Variants in AKAP8 observed in about 807,000 individuals in gnomAD.
The protein encoded by AKAP8 is A-kinase anchoring protein 8.
A neutral mutation model predicts 67.5 loss-of-function variants in AKAP8; 24 were observed. The ratio of observed to expected loss-of-function variants is 0.36; its 90% confidence interval spans 0.26 to 0.50. AKAP8 has a LOEUF of 0.50. Ranked by LOEUF, AKAP8 falls within the 20% of genes least tolerant of loss-of-function variation. The pLI is 0.97. For missense variants in AKAP8, 971 were observed against 955.9 expected, an observed-to-expected ratio of 1.02 and a Z score of -0.21; for synonymous variants, 400 against 371.1, an observed-to-expected ratio of 1.08 and a Z score of -0.90.
At position 15,369,875 on chromosome 19, in the gene AKAP8, G is replaced by A. The variant is rs1967126044; in HGVS notation, c.1072+271C>T. On this transcript the variant is annotated intron_variant, in intron 8 of 13. Transcript: ENST00000269701. This position sits in a 1 kb window ranked among gnomAD's most constrained non-coding sequence, Gnocchi z 4.6. ...TTCTCCTTCCCTACAAACTTCGACT[G>A]TGGTGGACACCCAAGGCTGCCCCCC... Among the ~76,000 whole-genome samples, 1 of 152,240 alleles carries A rather than the reference G, an allele frequency of 6.6e-6. No homozygotes were observed. Among genetic ancestry groups the A allele is most frequent in the Non-Finnish European group, 1.5e-5 (1 of 68,040 alleles).
At position 15,369,705 on chromosome 19, in the gene AKAP8, T is replaced by C. The variant is rs929765438; in HGVS notation, c.1072+441A>G. Among the ~76,000 whole-genome samples the C allele has an allele frequency of 3.3e-5, 5 of 152,180 alleles. No individual in the cohort carries two copies. Among genetic ancestry groups the C allele is most frequent in the Non-Finnish European group, 5.9e-5 (4 of 68,018 alleles). The stretch of plus-strand genomic sequence containing the variant: ...AAGCAATGTGCAGTGCAGCTGCCAG[T>C]ATCCCCACCACAGAGGCCCACAGCA... On this transcript the variant is annotated intron_variant, in intron 8 of 13. Transcript: ENST00000269701. This position sits in a 1 kb window ranked among gnomAD's most constrained non-coding sequence, Gnocchi z 4.6.
At chr19:15,355,398 G>A (rs370557589) in intron 13 of AKAP8, 28 bp from the exon 14 acceptor site, 128 of 1,592,834 alleles carry the variant, frequency 8.0e-5, no homozygotes, top group Non-Finnish European at 8.6e-5. Context: ...ACCGGTCAGC[G>A]TGGTGTAAGC....
chr19:15,376,222 T>G (rs182441165), intron 2 of AKAP8, among the ~76,000 whole-genome samples: 1 of 152,106 alleles, frequency 6.6e-6, no homozygotes, highest in Non-Finnish European at 1.5e-5. Context: ...GCCCAGCTAA[T>G]GAAAGATCTT....
In AKAP8 at chr19:15,373,312, A is replaced by G. The variant is rs1967195359; in HGVS notation, c.400T>C (p.Tyr134His). ...SSFRFQPFES[Y>H]DSRPCLPEHN... ...TCCGGCAGGCAGGGCCTGGAGTCAT[A>G]GGACTCGAACGGCTGGAAGCGGAAG... Residue 134 changes from tyrosine to histidine, a missense_variant, in exon 5 of 14, where the codon TAT becomes CAT. Around this residue, in one of 3 missense-constraint regions of AKAP8, gnomAD observed 763 missense variants for 745.4 expected, o/e 1.02. Transcript: ENST00000269701. 1 of 1,612,392 alleles carries G rather than the reference A, an allele frequency of 6.2e-7. No homozygotes were observed. Among genetic ancestry groups the G allele is most frequent in the African/African-American group, 1.3e-5 (1 of 74,918 alleles).
intron 12 of AKAP8, among the ~76,000 whole-genome samples, chr19:15,360,566 T>C (rs1336237016): frequency 6.6e-6 from 1 of 152,190 alleles, no homozygotes; most frequent in African/African-American, 2.4e-5. Context: ...CCCTTCGGTC[T>C]CAGCTTATGG....
rs566754006 is a variant in AKAP8 at position 15,379,760 on chromosome 19, G to T, written c.-29C>A. ...TTCGACGCGGCCCACCAGCAGCCCC[G>T]TTTACTAGGCGACCACAGCACGCAT... On this transcript the variant is annotated 5_prime_UTR_variant, in exon 1 of 14. Transcript: ENST00000269701. 2.4e-5 allele frequency: 38 copies of T among 1,609,992 alleles called. No homozygotes were observed. Among genetic ancestry groups the T allele is most frequent in the Non-Finnish European group, 3.2e-5 (38 of 1,178,586 alleles).
At chr19:15,368,563 C>A in intron 8 of AKAP8, 2 of 985,254 alleles carry the variant, frequency 2.0e-6, no homozygotes. Flanking sequence ...CCAGGATGGG[C>A]TAGGGACACA....
intron 4 of AKAP8, 110 bp downstream of exon 4, chr19:15,373,676 C>A: frequency 7.4e-7 from 1 of 1,345,096 alleles, no homozygotes; most frequent in Non-Finnish European, 9.9e-7. Context: ...CAATGCCACA[C>A]CCAAGAGGGA....
At chr19:15,359,178 C>A in intron 12 of AKAP8, 116 bp from the exon 13 acceptor site, 2 of 885,662 alleles carry the variant, frequency 2.3e-6, no homozygotes, top group South Asian at 1.5e-5. Flanking sequence ...AAGCGAATCT[C>A]AAAACGCCAG....
At position 15,359,006 on chromosome 19, in the gene AKAP8, G is replaced by T. The variant is rs76501168; in HGVS notation, c.1584C>A (p.Asn528Lys). The T allele has an allele frequency of 6.2e-7, 1 of 1,614,174 alleles. No individual in the cohort carries two copies. The highest frequency in any genetic ancestry group is 8.5e-7 in the Non-Finnish European group (1 of 1,180,048). Residue 528 changes from asparagine to lysine, a missense_variant, in exon 13 of 14, where the codon AAC (asparagine) becomes AAA (lysine). Coordinates refer to ENST00000269701, the MANE Select transcript of AKAP8 (RefSeq NM_005858.4). The stretch of plus-strand genomic sequence containing the variant: ...CCAGCATCTTCACTATATGTCTGTT[G>T]TTCAAAACACTCTTAGCCACATGGA... ...TSLHVAKSVL[N>K]NRHIVKMLEK...
Position 15,362,266 on chromosome 19 carries a change from CAAG to C in AKAP8, c.1161-18_1161-16del, listed in dbSNP as rs777261173. On this transcript the variant is annotated splice_polypyrimidine_tract_variant and intron_variant, in intron 9 of 13. Coordinates refer to ENST00000269701, the MANE Select transcript of AKAP8 (RefSeq NM_005858.4). The stretch of plus-strand genomic sequence containing the variant: ...CAAACTGAATTCTGTAGAAGGAAAA[CAAG>C]GAGGGGAGTGAAGCAGGGAGCATCA... 1.3e-5 allele frequency: 21 copies of C among 1,613,686 alleles called. No individual in the cohort carries two copies. The highest frequency in any genetic ancestry group is 1.6e-5 in the Non-Finnish European group (19 of 1,179,884).
intron 8 of AKAP8, 111 bp downstream of exon 8, chr19:15,370,035 C>G (rs541425327): frequency 3.0e-5 from 41 of 1,360,158 alleles, no homozygotes; most frequent in Admixed American, 8.7e-5. Flanking sequence ...CCTCTTCCCC[C>G]ACAGCCACGG....
rs376489439 is a variant in AKAP8 at position 15,354,887 on chromosome 19, C to T, written c.*28G>A. ...AAGACCAACGCATCCATCATCCCAA[C>T]GCCTTCCCTGGAACAGGGAAATGAG... On this transcript the variant is annotated 3_prime_UTR_variant, in exon 14 of 14. Transcript: ENST00000269701. The T allele has an allele frequency of 4.7e-5, 75 of 1,607,180 alleles. No homozygotes were observed. The highest frequency in any genetic ancestry group is 3.3e-4 in the Middle Eastern group (2 of 6,068).
At chr19:15,372,572 G>A (rs1967177607) in intron 5 of AKAP8, among the ~76,000 whole-genome samples, 1 of 151,574 alleles carries the variant, frequency 6.6e-6, no homozygotes, top group Non-Finnish European at 1.5e-5. Flanking sequence ...AAAATGTCTA[G>A]AACACACAAA....
Position 15,373,899 on chromosome 19 carries a change from G to A in AKAP8, c.258C>T (p.Thr86=), listed in dbSNP as rs778733766. 1.4e-5 allele frequency: 22 copies of A among 1,613,608 alleles called. No homozygotes were observed. Among genetic ancestry groups the A allele is most frequent in the African/African-American group, 4.0e-5 (3 of 74,928 alleles). The part of the protein sequence containing the change: ...HMASYGPEPC[T]DNSDSLIAKI... ...TGGCAATGAGGGAGTCGGAATTGTCGGTGCATGGCTCTGGGCCGTAAGAGG... is the reference window on the plus strand; with the variant it reads ...TGGCAATGAGGGAGTCGGAATTGTCAGTGCATGGCTCTGGGCCGTAAGAGG... The change falls in exon 4 of 14, where the codon ACC becomes ACT. Residue 86 remains threonine, a synonymous_variant. Coordinates refer to ENST00000269701, the MANE Select transcript of AKAP8 (RefSeq NM_005858.4).
intron 9 of AKAP8, among the ~76,000 whole-genome samples, chr19:15,363,101 G>C (rs1238880978): frequency 2.6e-5 from 4 of 151,530 alleles, no homozygotes; most frequent in African/African-American, 9.7e-5. Context: ...CGTCTGAGAA[G>C]TGAGGAGCCC....
At chr19:15,368,810 G>A (rs1967109677) in intron 8 of AKAP8, 1 of 985,148 alleles carries the variant, frequency 1.0e-6, no homozygotes, top group African/African-American at 1.7e-5. Context: ...CTGAACTAGG[G>A]CCTCAGCAGG....
chr19:15,370,625 CTTTTTTTTT>C (rs71176407), intron 7 of AKAP8, among the ~76,000 whole-genome samples: 26 of 80,958 alleles, frequency 3.2e-4, no homozygotes, highest in African/African-American at 1.1e-3. Flanking sequence ...TACCCAATGT[CTTTTTTTTT>C]TTTTTTTTTT....
At chr19:15,378,805 C>T (rs1004041993) in intron 1 of AKAP8, among the ~76,000 whole-genome samples, 1 of 152,208 alleles carries the variant, frequency 6.6e-6, no homozygotes, top group African/African-American at 2.4e-5. Context: ...TCCCAAAAGG[C>T]TCTGATTCCA....
Sources: allele counts gnomAD v4.1 joint callset (sites outside exome capture counted in the v4.1 genomes callset), GRCh38; gene constraint gnomAD v4.1.1; regional missense constraint gnomAD v4.1.1; non-coding constraint Gnocchi (gnomAD v3.1); transcripts MANE v1.5; gene names NCBI Gene and HGNC (gene_info 2026-07-23, HGNC 2026-07-21).